The following GRID2 variants were observed in gnomAD, a reference collection of about 807,000 sequenced individuals.
The protein encoded by GRID2 is glutamate receptor ionotropic, delta-2.
GRID2 carries 33 observed loss-of-function variants against 114.8 expected under a neutral mutation model. The observed-to-expected ratio is 0.29, with a 90% confidence interval of 0.22 to 0.38. The LOEUF is 0.38. Among genes scored for constraint, GRID2 ranks in the 10% least tolerant of loss-of-function variants. The pLI is 1.00. For synonymous variants in GRID2, 505 were observed against 449.9 expected, an observed-to-expected ratio of 1.12 and a Z score of -1.55; for missense variants, 1,184 against 1,257.7, an observed-to-expected ratio of 0.94 and a Z score of 0.89.
At chr4:92,832,622 G>A (rs574876688) in intron 2 of GRID2, among the ~76,000 whole-genome samples, 1 of 152,032 alleles carries the variant, frequency 6.6e-6, no homozygotes, top group African/African-American at 2.4e-5. Context: ...TCAAAATCCC[G>A]ACCTCAGGTG....
At chr4:93,389,851 C>A (rs1418808060) in intron 8 of GRID2, among the ~76,000 whole-genome samples, 1 of 151,148 alleles carries the variant, frequency 6.6e-6, no homozygotes, top group Non-Finnish European at 1.5e-5. Flanking sequence ...AGTGCAGTGG[C>A]ACCCTCGGCT....
intron 6 of GRID2, among the ~76,000 whole-genome samples, chr4:93,222,531 A>G (rs1745005235): frequency 6.6e-6 from 1 of 151,958 alleles, no homozygotes; most frequent in South Asian, 2.1e-4. Flanking sequence ...TTTGTTACAT[A>G]CGTAAACATG....
intron 2 of GRID2, among the ~76,000 whole-genome samples, chr4:93,003,063 ATC>A (rs1294558623): frequency 1.3e-5 from 2 of 151,824 alleles, no homozygotes; most frequent in Non-Finnish European, 2.9e-5. Context: ...ATCAAAGACA[ATC>A]TCCACATCCC....
At chr4:92,660,725 C>T (rs995703847) in intron 2 of GRID2, among the ~76,000 whole-genome samples, 2 of 151,106 alleles carry the variant, frequency 1.3e-5, no homozygotes, top group African/African-American at 4.8e-5. Flanking sequence ...ACATTCATTT[C>T]CCTTGCATAT....
intron 13 of GRID2, among the ~76,000 whole-genome samples, chr4:93,607,018 C>G (rs566139412): frequency 6.6e-6 from 1 of 151,986 alleles, no homozygotes. Flanking sequence ...AAAACAAAAA[C>G]CTTCAATTAG....
At chr4:93,306,053 G>T (rs558393684) in intron 8 of GRID2, 27 of 152,318 alleles carry the variant, frequency 1.8e-4, no homozygotes, top group African/African-American at 5.8e-4. Context: ...GCAGCATGAA[G>T]TTGGAAACTT....
intron 2 of GRID2, among the ~76,000 whole-genome samples, chr4:93,069,154 C>G (rs185596224): frequency 2.6e-5 from 4 of 151,842 alleles, no homozygotes; most frequent in Admixed American, 2.0e-4. Context: ...CACAAGACAC[C>G]ACCTCCAACA....
At chr4:93,024,964 G>T (rs1448995863) in intron 2 of GRID2, among the ~76,000 whole-genome samples, 2 of 151,692 alleles carry the variant, frequency 1.3e-5, no homozygotes, top group Admixed American at 6.6e-5. Flanking sequence ...AACTAAAATG[G>T]CAACTGGCTT....
At chr4:92,888,566 G>T (rs906307916) in intron 2 of GRID2, among the ~76,000 whole-genome samples, 1 of 151,900 alleles carries the variant, frequency 6.6e-6, no homozygotes, top group Admixed American at 6.6e-5. Context: ...TGAAACTAAC[G>T]TCTTTCAGTA....
At chr4:92,668,242 T>A (rs190276421) in intron 2 of GRID2, among the ~76,000 whole-genome samples, 5,756 of 151,898 alleles carry the variant, frequency 0.038, 157 homozygotes, top group Non-Finnish European at 0.058. Context: ...TATTTCCAGC[T>A]TTTTTGGCTT....
At chr4:92,999,098 A>G (rs1007472290) in intron 2 of GRID2, among the ~76,000 whole-genome samples, 1 of 151,754 alleles carries the variant, frequency 6.6e-6, no homozygotes, top group Non-Finnish European at 1.5e-5. Flanking sequence ...ATTTTTTTCC[A>G]TAGGAAATGA....
chr4:92,309,674 G>A (rs1430951370), intron 1 of GRID2, among the ~76,000 whole-genome samples: 1 of 151,778 alleles, frequency 6.6e-6, no homozygotes, highest in Non-Finnish European at 1.5e-5. Flanking sequence ...TCTTATTCTT[G>A]TAAGAATTTA....
intron 1 of GRID2, among the ~76,000 whole-genome samples, chr4:92,498,255 A>G (rs941449839): frequency 6.6e-6 from 1 of 151,928 alleles, no homozygotes; most frequent in Non-Finnish European, 1.5e-5. Flanking sequence ...AGTTAGCATT[A>G]GTAAATTGGT....
chr4:92,389,412 T>C (rs896561627), intron 1 of GRID2, among the ~76,000 whole-genome samples: 1 of 152,080 alleles, frequency 6.6e-6, no homozygotes, highest in African/African-American at 2.4e-5. Flanking sequence ...TTCCCTTCAC[T>C]AAATATTCAT....
chr4:92,919,279 T>C (rs1172503613), intron 2 of GRID2, among the ~76,000 whole-genome samples: 3 of 152,210 alleles, frequency 2.0e-5, no homozygotes, highest in East Asian at 1.9e-4. Flanking sequence ...TCTATCAATT[T>C]TGTTTATCAT....
At chr4:92,736,732 C>T (rs531344535) in intron 2 of GRID2, among the ~76,000 whole-genome samples, 33 of 152,200 alleles carry the variant, frequency 2.2e-4, no homozygotes, top group African/African-American at 6.7e-4. Context: ...AACACTGCCC[C>T]AGTTTATGGG....
chr4:93,678,950 A>G (rs1389425497), intron 14 of GRID2, among the ~76,000 whole-genome samples: 2 of 151,060 alleles, frequency 1.3e-5, no homozygotes, highest in Non-Finnish European at 2.9e-5. Context: ...ATGTAAACGG[A>G]CTGAATCCTC....
At chr4:92,460,326 T>C (rs1188831688) in intron 1 of GRID2, among the ~76,000 whole-genome samples, 1 of 151,778 alleles carries the variant, frequency 6.6e-6, no homozygotes, top group African/African-American at 2.4e-5. Context: ...TAAATACTCA[T>C]TAGTTAAATT....
chr4:92,634,267 T>G (rs1021207224), intron 2 of GRID2, among the ~76,000 whole-genome samples: 1 of 152,172 alleles, frequency 6.6e-6, no homozygotes. Context: ...TTATTTATTC[T>G]CTACAAATTT....
Sources: gnomAD v4.1 joint callset for allele counts (sites outside exome capture counted in the v4.1 genomes callset) on GRCh38, gnomAD v4.1.1 for gene constraint, MANE v1.5 for transcripts, NCBI Gene and HGNC (gene_info 2026-07-23, HGNC 2026-07-21) for gene names.